The following LDLRAD3 variants were observed in gnomAD, a reference collection of about 807,000 sequenced individuals.
LDLRAD3 encodes low-density lipoprotein receptor class A domain-containing protein 3.
A neutral mutation model predicts 29.4 loss-of-function variants in LDLRAD3; 20 were observed. The observed-to-expected ratio is 0.68, with a 90% CI of 0.48 to 0.99. The LOEUF is 0.99. Ranked by LOEUF, LDLRAD3 falls within the 50% of genes least tolerant of loss-of-function variation. The pLI is 0.00. For missense variants in LDLRAD3, 420 were observed against 454.3 expected (o/e 0.92, Z 0.69); for synonymous variants, 157 against 192.7 (o/e 0.81, Z 1.53).
intron 2 of LDLRAD3, among the ~76,000 whole-genome samples, chr11:36,043,604 G>T (rs1286145529): frequency 6.6e-6 from 1 of 152,206 alleles, no homozygotes; most frequent in Admixed American, 6.5e-5. Flanking sequence ...TGTGAATGTT[G>T]TCTTTATAAG....
rs116616081 is a variant in LDLRAD3 at position 36,179,704 on chromosome 11, C to T, written c.455-47381C>T. Among the ~76,000 whole-genome samples, 549 of 152,032 alleles carry T rather than the reference C, an allele frequency of 3.6e-3. 1 individual carries two copies. The highest frequency in any genetic ancestry group is 0.012 in the African/African-American group (517 of 41,474). On this transcript the variant is annotated intron_variant, in intron 4 of 5. Transcript: ENST00000315571. ...CCACTGCAGGGAGTGAATAAAACAA[C>T]GGATGTAGCTGAGCTCGGTGGCTCA...
At chr11:36,177,929 G>C (rs1278533414) in intron 4 of LDLRAD3, among the ~76,000 whole-genome samples, 2 of 152,210 alleles carry the variant, frequency 1.3e-5, no homozygotes, top group Non-Finnish European at 2.9e-5. Context: ...GAGCTCCTAA[G>C]AGATTATGTC....
chr11:35,974,674 G>A (rs1434452763), intron 1 of LDLRAD3, among the ~76,000 whole-genome samples: 5 of 152,206 alleles, frequency 3.3e-5, no homozygotes, highest in Non-Finnish European at 5.9e-5. Context: ...TCAGTTTCTT[G>A]TCATGTGGGT....
chr11:36,118,254 AT>A (rs1185439859), intron 4 of LDLRAD3, among the ~76,000 whole-genome samples: 2 of 152,132 alleles, frequency 1.3e-5, no homozygotes, highest in African/African-American at 4.8e-5. Context: ...ACCAAGAGAG[AT>A]GATGTAATCT....
chr11:36,181,924 C>T (rs1854769760), intron 4 of LDLRAD3, among the ~76,000 whole-genome samples: 1 of 151,924 alleles, frequency 6.6e-6, no homozygotes, highest in Non-Finnish European at 1.5e-5. Flanking sequence ...CTCTCTCTCA[C>T]TGTTTCTCTC....
At chr11:36,094,178 G>A (rs1365837372) in intron 3 of LDLRAD3, among the ~76,000 whole-genome samples, 1 of 152,208 alleles carries the variant, frequency 6.6e-6, no homozygotes, top group South Asian at 2.1e-4. Context: ...CACCATCACT[G>A]CTTGCTTTCC....
intron 4 of LDLRAD3, chr11:36,196,688 C>T (rs763982857): frequency 2.0e-5 from 3 of 152,156 alleles, no homozygotes; most frequent in Admixed American, 6.5e-5. Flanking sequence ...AGTCCTAATC[C>T]GTTAAATATT....
chr11:36,209,507 A>G (rs534433366), intron 4 of LDLRAD3, among the ~76,000 whole-genome samples: 21 of 151,868 alleles, frequency 1.4e-4, no homozygotes, highest in Non-Finnish European at 2.2e-4. Flanking sequence ...TTACAGGCGC[A>G]TGCCAGCATG....
intron 4 of LDLRAD3, among the ~76,000 whole-genome samples, chr11:36,107,582 A>G (rs1423377767): frequency 6.6e-6 from 1 of 152,216 alleles, no homozygotes; most frequent in Non-Finnish European, 1.5e-5. Flanking sequence ...CCATGAAATT[A>G]TAATACCATG....
At chr11:36,130,145 G>T (rs1274580070) in intron 4 of LDLRAD3, among the ~76,000 whole-genome samples, 2 of 152,228 alleles carry the variant, frequency 1.3e-5, no homozygotes, top group African/African-American at 4.8e-5. Context: ...CATTGAACAG[G>T]CAATTTCAAG....
chr11:36,159,330 A>T (rs945157486), intron 4 of LDLRAD3, among the ~76,000 whole-genome samples: 1 of 151,824 alleles, frequency 6.6e-6, no homozygotes, highest in Non-Finnish European at 1.5e-5. Context: ...CTTGCTGGGT[A>T]TGGTGGTGTT....
At chr11:36,096,455 C>G (rs1213762709) in intron 3 of LDLRAD3, among the ~76,000 whole-genome samples, 1 of 152,160 alleles carries the variant, frequency 6.6e-6, no homozygotes, top group Non-Finnish European at 1.5e-5. Context: ...AATATGGGTG[C>G]CAGCTCAGTT....
chr11:35,967,602 A>G (rs1377519667), intron 1 of LDLRAD3: 1 of 453,458 alleles, frequency 2.2e-6, no homozygotes. Context: ...GCAGAGAGAA[A>G]CTAATCAGCT....
intron 1 of LDLRAD3, among the ~76,000 whole-genome samples, chr11:35,996,715 G>C (rs12270533): frequency 6.6e-6 from 1 of 152,188 alleles, no homozygotes; most frequent in Admixed American, 6.5e-5. Flanking sequence ...ACCTGATTGA[G>C]AGGGCCAGGA....
At chr11:35,984,863 C>T (rs1353250252) in intron 1 of LDLRAD3, among the ~76,000 whole-genome samples, 1 of 151,850 alleles carries the variant, frequency 6.6e-6, no homozygotes, top group African/African-American at 2.4e-5. Flanking sequence ...CTCCTGACCT[C>T]AGGTGATCTG....
At chr11:35,987,889 G>A in intron 1 of LDLRAD3, among the ~76,000 whole-genome samples, 1 of 152,212 alleles carries the variant, frequency 6.6e-6, no homozygotes, top group Admixed American at 6.5e-5. Context: ...CATCAACTGT[G>A]TATAAGCGTT....
chr11:35,973,461 T>G (rs1851440234), intron 1 of LDLRAD3, among the ~76,000 whole-genome samples: 1 of 152,044 alleles, frequency 6.6e-6, no homozygotes, highest in South Asian at 2.1e-4. Context: ...TTTGTTTGTT[T>G]GTTTTGTTTT....
At chr11:36,158,039 C>T (rs529973790) in intron 4 of LDLRAD3, among the ~76,000 whole-genome samples, 19 of 152,322 alleles carry the variant, frequency 1.2e-4, no homozygotes, top group African/African-American at 4.6e-4. Context: ...ACATTCAGCA[C>T]ACTGACGCAG....
intron 1 of LDLRAD3, among the ~76,000 whole-genome samples, chr11:36,016,197 C>G (rs1251731410): frequency 6.6e-6 from 1 of 152,216 alleles, no homozygotes; most frequent in African/African-American, 2.4e-5. Flanking sequence ...CTCATAAGAG[C>G]TTTTATAGAA....
Sources: allele counts gnomAD v4.1 joint callset (sites outside exome capture counted in the v4.1 genomes callset), GRCh38; gene constraint gnomAD v4.1.1; transcripts MANE v1.5; gene names NCBI Gene and HGNC (gene_info 2026-07-23, HGNC 2026-07-21).